Variants in KDM2A observed in about 807,000 individuals in gnomAD.
KDM2A encodes the protein lysine-specific demethylase 2A.
A neutral mutation model predicts 137.3 loss-of-function variants in KDM2A; 3 were observed. The ratio of observed to expected loss-of-function variants is 0.02; its 90% CI spans 0.01 to 0.06. The LOEUF (loss-of-function observed/expected upper bound fraction) is 0.06. Ranked by LOEUF, KDM2A falls within the 10% of genes least tolerant of loss-of-function variation. The pLI is 1.00. For synonymous variants in KDM2A, 512 were observed against 541.5 expected, an observed-to-expected ratio of 0.95 and a Z score of 0.76; for missense variants, 738 against 1,510.6, an observed-to-expected ratio of 0.49 and a Z score of 8.48.
At chr11:67,139,187 CAAGT>C (rs759331097) in intron 2 of KDM2A, among the ~76,000 whole-genome samples, 1 of 151,430 alleles carries the variant, frequency 6.6e-6, no homozygotes, top group African/African-American at 2.4e-5. Context: ...CAAGCCAGGG[CAAGT>C]AAGTGTACCC....
At chr11:67,154,651 C>T (rs1422367511) in intron 2 of KDM2A, among the ~76,000 whole-genome samples, 1 of 151,820 alleles carries the variant, frequency 6.6e-6, no homozygotes, top group South Asian at 2.1e-4. Context: ...GTTGGCCAGG[C>T]TAGTCTCGAA....
chr11:67,148,346 C>T lies in KDM2A; in HGVS notation c.42+26988C>T, dbSNP rs567987279. On this transcript the variant is annotated intron_variant, in intron 2 of 20. Coordinates refer to ENST00000529006, the MANE Select transcript of KDM2A (RefSeq NM_012308.3). Reference sequence around the variant, plus strand: ...CGAGGCCAAAGGGTCGCTTGACCCCCGGAGGTTGAGGCTGCAGTGAGCTGT... The same window carrying T: ...CGAGGCCAAAGGGTCGCTTGACCCCTGGAGGTTGAGGCTGCAGTGAGCTGT... Among the ~76,000 whole-genome samples, 84 of 151,896 alleles carry T rather than the reference C, an allele frequency of 5.5e-4. 1 individual carries two copies. The highest frequency in any genetic ancestry group is 4.0e-3 in the South Asian group (19 of 4,804).
intron 2 of KDM2A, among the ~76,000 whole-genome samples, chr11:67,137,307 G>A (rs1855989668): frequency 6.6e-6 from 1 of 152,208 alleles, no homozygotes. Flanking sequence ...GAGTAGTAAT[G>A]CGTTTGGACC....
chr11:67,168,124 T>C (rs1292956520), intron 2 of KDM2A, among the ~76,000 whole-genome samples: 4 of 152,126 alleles, frequency 2.6e-5, no homozygotes, highest in African/African-American at 4.8e-5. Context: ...AAGAAAGTTT[T>C]ATATATATCT....
rs1455181895 is a variant in KDM2A at position 67,255,452 on chromosome 11, G to A, written c.*397G>A. 4.4e-6 allele frequency: 2 copies of A among 459,146 alleles called. No individual in the cohort carries two copies. The highest frequency in any genetic ancestry group is 8.7e-6 in the Non-Finnish European group (2 of 228,780). The allele number at this position is 459,146 out of a possible 1,614,324, so 28.4% of individuals were successfully genotyped here. A position where few individuals can be genotyped will look rare whatever the true frequency, so the allele number is the denominator to read the frequency against. ...GCCTGGTTCTGAGCAAACTCCCAGG[G>A]AAGAAAACGGCCCTGTCTCCATGGC... On this transcript the variant is annotated 3_prime_UTR_variant, in exon 21 of 21. Transcript: ENST00000529006.
At chr11:67,124,668 G>T (rs1340281904) in intron 2 of KDM2A, among the ~76,000 whole-genome samples, 3 of 147,100 alleles carry the variant, frequency 2.0e-5, no homozygotes, top group Non-Finnish European at 4.5e-5. Flanking sequence ...GTGGGAAGGA[G>T]AGTCAAGTAC....
At chr11:67,249,470 A>T (rs987699555) in intron 16 of KDM2A, among the ~76,000 whole-genome samples, 1 of 152,244 alleles carries the variant, frequency 6.6e-6, no homozygotes, top group East Asian at 1.9e-4. Flanking sequence ...CTAGTGGAAC[A>T]TGTTTACTGG....
At chr11:67,219,576 G>A in intron 10 of KDM2A, 173 bp downstream of exon 10, 1 of 375,300 alleles carries the variant, frequency 2.7e-6, no homozygotes, top group Non-Finnish European at 4.8e-6. Flanking sequence ...TTTTTTTAAG[G>A]CAGAATCTTG....
Position 67,255,598 on chromosome 11 carries a change from C to G in KDM2A, c.*543C>G, listed in dbSNP as rs12287003. The G allele has an allele frequency of 0.037, 16,688 of 456,510 alleles. 2,384 individuals are homozygous for G. The highest frequency in any genetic ancestry group is 0.3 in the African/African-American group (15,147 of 50,098). The allele number at this position is 456,510 out of a possible 1,614,324, so 28.3% of individuals were successfully genotyped here. ...CCGATCACACTGGTGCTGTTGAGAT[C>G]TCCCAAACCTCACGTCCTTAACTGT... On this transcript the variant is annotated 3_prime_UTR_variant, in exon 21 of 21. Transcript: ENST00000529006.
intron 10 of KDM2A, among the ~76,000 whole-genome samples, chr11:67,220,537 G>T (rs1206708772): frequency 2.0e-5 from 3 of 152,070 alleles, no homozygotes; most frequent in Non-Finnish European, 4.4e-5. Context: ...TTTCAAGAGA[G>T]AATTAAGCCC....
intron 10 of KDM2A, among the ~76,000 whole-genome samples, chr11:67,222,253 A>C (rs1178664037): frequency 1.1e-5 from 1 of 93,904 alleles, no homozygotes; most frequent in Non-Finnish European, 2.1e-5. Flanking sequence ...TGATTACTTG[A>C]GATTAGGGAT....
At chr11:67,228,482 A>G (rs1858612702) in intron 11 of KDM2A, among the ~76,000 whole-genome samples, 1 of 152,032 alleles carries the variant, frequency 6.6e-6, no homozygotes, top group African/African-American at 2.4e-5. Flanking sequence ...GCTTGAGCCC[A>G]GGAGTTAAGA....
chr11:67,253,378 T>G (rs1859497918), intron 18 of KDM2A, 75 bp from the exon 19 acceptor site: 1 of 1,357,164 alleles, frequency 7.4e-7, no homozygotes, highest in African/African-American at 1.4e-5. Flanking sequence ...GTTTGTTCAC[T>G]TTGCTCAGAT....
At chr11:67,247,486 G>T (rs1306586597) in intron 15 of KDM2A, among the ~76,000 whole-genome samples, 2 of 142,636 alleles carry the variant, frequency 1.4e-5, no homozygotes, top group Non-Finnish European at 3.0e-5. Flanking sequence ...GGAGTATAGT[G>T]GTGAGATTTT....
Position 67,245,848 on chromosome 11 carries a change from T to C in KDM2A, c.1834-137T>C. The C allele has an allele frequency of 9.7e-7, 1 of 1,031,492 alleles. No homozygotes were observed. The highest frequency in any genetic ancestry group is 2.6e-5 in the East Asian group (1 of 38,296). 63.9% of individuals were successfully genotyped at this position (1,031,492 alleles called of 1,614,324 possible). On this transcript the variant is annotated intron_variant, in intron 14 of 20. Coordinates refer to ENST00000529006, the MANE Select transcript of KDM2A (RefSeq NM_012308.3). The surrounding 1 kb of genome is among the most constrained non-coding windows in gnomAD (Gnocchi z 4.1). Reference sequence around the variant, plus strand: ...TTTTTCCTACCCAAAACCTCCGTTCTCTCCACCCTGCCTCCATGCTTCCAG... The same window carrying C: ...TTTTTCCTACCCAAAACCTCCGTTCCCTCCACCCTGCCTCCATGCTTCCAG...
intron 2 of KDM2A, among the ~76,000 whole-genome samples, chr11:67,127,273 T>C (rs1339159580): frequency 2.0e-5 from 3 of 152,044 alleles, no homozygotes; most frequent in African/African-American, 7.2e-5. Context: ...TTTTTAATTT[T>C]TTCTGTAAAG....
intron 5 of KDM2A, among the ~76,000 whole-genome samples, chr11:67,199,120 G>A (rs1177980989): frequency 1.3e-5 from 2 of 152,058 alleles, no homozygotes; most frequent in Non-Finnish European, 2.9e-5. Flanking sequence ...TTGTTTTGAG[G>A]TGCCATGAAC....
At chr11:67,186,276 A>AG (rs906419293) in intron 5 of KDM2A, among the ~76,000 whole-genome samples, 27 of 152,320 alleles carry the variant, frequency 1.8e-4, no homozygotes, top group African/African-American at 6.5e-4. Flanking sequence ...CATTACATAA[A>AG]GGTATCCTCA....
At chr11:67,158,644 A>G (rs998206827) in intron 2 of KDM2A, among the ~76,000 whole-genome samples, 6 of 152,150 alleles carry the variant, frequency 3.9e-5, no homozygotes, top group Admixed American at 6.6e-5. Context: ...ATGATGTACA[A>G]TGTTCAGCAT....
Sources: allele counts gnomAD v4.1 joint callset (sites outside exome capture counted in the v4.1 genomes callset), GRCh38; gene constraint gnomAD v4.1.1; non-coding constraint Gnocchi (gnomAD v3.1); transcripts MANE v1.5; gene names NCBI Gene and HGNC (gene_info 2026-07-23, HGNC 2026-07-21).